The following DCAF6 variants were observed in gnomAD, a reference collection of about 807,000 sequenced individuals.
The protein encoded by DCAF6 is DDB1- and CUL4-associated factor 6.
Under a neutral mutation model 125.1 loss-of-function variants are expected in DCAF6, and 54 were observed. The observed-to-expected ratio is 0.43, with a 90% CI of 0.35 to 0.54. The LOEUF (loss-of-function observed/expected upper bound fraction) is 0.54. Among genes scored for constraint, DCAF6 ranks in the 20% least tolerant of loss-of-function variants. DCAF6 has a pLI of 0.01. For synonymous variants in DCAF6, 371 were observed against 390.4 expected, an observed-to-expected ratio of 0.95 and a Z score of 0.58; for missense variants, 934 against 1,161.7, an observed-to-expected ratio of 0.80 and a Z score of 2.85.
chr1:168,051,879 CTT>C (rs775517869), intron 17 of DCAF6, among the ~76,000 whole-genome samples: 10 of 141,788 alleles, frequency 7.1e-5, no homozygotes, highest in Non-Finnish European at 6.2e-5. Flanking sequence ...TTATCACTTT[CTT>C]TTTTTTTTTT....
chr1:167,982,919 G>T (rs1028025445), intron 4 of DCAF6, among the ~76,000 whole-genome samples: 3 of 152,088 alleles, frequency 2.0e-5, no homozygotes, highest in Non-Finnish European at 2.9e-5. Flanking sequence ...TTAATAGGGA[G>T]TCCTTTCCCC....
At chr1:167,911,524 AC>A in the DCAF6 span, among the ~76,000 whole-genome samples, 1 of 152,014 alleles carries the variant, frequency 6.6e-6, no homozygotes, top group Non-Finnish European at 1.5e-5. Context: ...GTTCTCCTCT[AC>A]CTTTGCCTCT....
At chr1:167,974,340 A>G (rs1318754823) in intron 3 of DCAF6, among the ~76,000 whole-genome samples, 1 of 152,140 alleles carries the variant, frequency 6.6e-6, no homozygotes, top group East Asian at 1.9e-4. Flanking sequence ...TATTACTGTC[A>G]CAGTAATTCT....
chr1:167,866,509 G>A, the DCAF6 span, among the ~76,000 whole-genome samples: 4 of 124,218 alleles, frequency 3.2e-5, no homozygotes, highest in Admixed American at 1.0e-4. Flanking sequence ...CTGACCTGAC[G>A]AAAGTGCACA....
intron 12 of DCAF6, among the ~76,000 whole-genome samples, chr1:168,024,804 CAA>C (rs76178208): frequency 1.2e-3 from 88 of 74,820 alleles, no homozygotes; most frequent in African/African-American, 1.6e-3. Context: ...ACTCTGTATC[CAA>C]AAAAAAAAAA....
chr1:168,048,357 A>G (rs1176364597), intron 16 of DCAF6, among the ~76,000 whole-genome samples: 1 of 152,238 alleles, frequency 6.6e-6, no homozygotes, highest in African/African-American at 2.4e-5. Context: ...TCTGTACTTT[A>G]TATGAAGAAC....
intron 13 of DCAF6, among the ~76,000 whole-genome samples, chr1:168,038,788 A>T (rs188097574): frequency 1.8e-4 from 28 of 152,132 alleles, no homozygotes; most frequent in African/African-American, 6.3e-4. Context: ...GATAATACTA[A>T]TAATAATAAT....
chr1:167,979,206 A>G (rs1236673367), intron 4 of DCAF6, among the ~76,000 whole-genome samples: 1 of 151,988 alleles, frequency 6.6e-6, no homozygotes, highest in Non-Finnish European at 1.5e-5. Flanking sequence ...TTTATTTTTT[A>G]GAAAATTAAA....
chr1:167,968,348 C>G (rs186660809), intron 3 of DCAF6: 1 of 143,666 alleles, frequency 7.0e-6, no homozygotes, highest in Non-Finnish European at 1.5e-5. Flanking sequence ...AAAGAAGAGA[C>G]CCCCCCGTGC....
At chr1:167,907,153 A>G in the DCAF6 span, among the ~76,000 whole-genome samples, 1 of 152,248 alleles carries the variant, frequency 6.6e-6, no homozygotes, top group Non-Finnish European at 1.5e-5. Context: ...AATGTCAGTA[A>G]TCTCAAAAAA....
intron 5 of DCAF6, among the ~76,000 whole-genome samples, chr1:167,988,292 C>T (rs1413144398): frequency 6.6e-6 from 1 of 152,038 alleles, no homozygotes; most frequent in East Asian, 1.9e-4. Flanking sequence ...TCCCGAGTAG[C>T]TGGGACTACG....
intron 2 of DCAF6, among the ~76,000 whole-genome samples, chr1:167,959,230 T>C (rs1334381295): frequency 3.3e-5 from 5 of 152,264 alleles, no homozygotes. Context: ...TTTTTAGAGC[T>C]GAATAATACT....
rs76684450 is a variant in DCAF6, at chr1:168,074,346, A to G, written c.2792-1025A>G. ...CTTATGCTTAACCTTAATATTTTCC[A>G]TGTTACTATGTGGAAATGTTTCTGG... On this transcript the variant is annotated intron_variant, in intron 21 of 21. Coordinates refer to ENST00000367840, the MANE Select transcript of DCAF6 (RefSeq NM_001198956.2). Among the ~76,000 whole-genome samples the G allele has an allele frequency of 3.6e-4, 54 of 152,088 alleles. 3 individuals are homozygous for G. The East Asian group carries it at 9.9e-3, about 28-fold the overall frequency.
chr1:167,906,601 C>T, the DCAF6 span, among the ~76,000 whole-genome samples: 2 of 135,104 alleles, frequency 1.5e-5, no homozygotes, highest in African/African-American at 2.8e-5. Flanking sequence ...GCTTGGGCAA[C>T]ATAGTGAAAT....
At chr1:167,878,778 C>T in the DCAF6 span, 27 of 846,668 alleles carry the variant, frequency 3.2e-5, no homozygotes, top group African/African-American at 2.0e-4. Context: ...AGTCTCAAGA[C>T]CCATATTCAG....
the DCAF6 span, among the ~76,000 whole-genome samples, chr1:167,915,658 T>C: frequency 5.9e-5 from 9 of 152,098 alleles, no homozygotes; most frequent in Admixed American, 3.9e-4. Flanking sequence ...ACCATGTTAG[T>C]CAGTCTTGTC....
At chr1:167,885,722 T>C in the DCAF6 span, among the ~76,000 whole-genome samples, 1 of 152,156 alleles carries the variant, frequency 6.6e-6, no homozygotes, top group Non-Finnish European at 1.5e-5. Flanking sequence ...TTCAAGTGAT[T>C]CTGTTGCCTC....
intron 1 of DCAF6, among the ~76,000 whole-genome samples, chr1:167,939,086 T>C (rs1054201897): frequency 2.6e-5 from 4 of 152,202 alleles, no homozygotes; most frequent in African/African-American, 9.6e-5. Context: ...TTTGAAAGTA[T>C]CGAAACTTGA....
chr1:168,031,353 A>C (rs1216281565), intron 12 of DCAF6, among the ~76,000 whole-genome samples: 4 of 152,184 alleles, frequency 2.6e-5, no homozygotes. Context: ...GATCAAGAGA[A>C]ATTTTCAAAT....
Sources: allele counts gnomAD v4.1 joint callset (sites outside exome capture counted in the v4.1 genomes callset), GRCh38; gene constraint gnomAD v4.1.1; transcripts MANE v1.5; gene names NCBI Gene and HGNC (gene_info 2026-07-23, HGNC 2026-07-21).